The following MCC variants were observed in gnomAD, a reference collection of about 807,000 sequenced individuals.
MCC encodes MCC regulator of Wnt signaling pathway.
Under a neutral mutation model 116.2 loss-of-function variants are expected in MCC, and 90 were observed. The observed-to-expected ratio is 0.77, with a 90% CI of 0.65 to 0.92. The LOEUF is 0.92. MCC is among the 40% of genes least tolerant of loss of function. MCC has a pLI of 0.00. For synonymous variants in MCC, 578 were observed against 510.5 expected (o/e 1.13, Z -1.78); for missense variants, 1,516 against 1,312.2 (o/e 1.16, Z -2.40).
chr5:113,474,578 T>C (rs184455254), intron 1 of MCC, among the ~76,000 whole-genome samples: 4 of 152,312 alleles, frequency 2.6e-5, no homozygotes, highest in Non-Finnish European at 4.4e-5. Flanking sequence ...CAGGCAACTG[T>C]TGAAGGATTT....
At position 113,049,097 on chromosome 5, in the gene MCC, C is replaced by T. The variant is rs1383655782; in HGVS notation, c.2651G>A (p.Gly884Asp). The T allele has an allele frequency of 1.2e-6, 2 of 1,614,008 alleles. No individual in the cohort carries two copies. The highest frequency in any genetic ancestry group is 2.7e-5 in the African/African-American group (2 of 74,900). ...STSSGSKDKP[G>D]KECADAASPA... ...CCCAAGCCACTCCGGCCCTACCTTG[C>T]CAGGTTTGTCTTTGCTGCCGCTGCT... Residue 884 changes from glycine to aspartate, a missense_variant, in exon 16 of 19, where the codon GGC becomes GAC. By Grantham distance (94) the Gly-to-Asp change is moderately conservative. Coordinates refer to ENST00000408903, the MANE Select transcript of MCC (RefSeq NM_001085377.2).
At chr5:113,469,952 CT>C (rs1772033954) in intron 1 of MCC, among the ~76,000 whole-genome samples, 1 of 152,140 alleles carries the variant, frequency 6.6e-6, no homozygotes, top group African/African-American at 2.4e-5. Context: ...TTCTTTGTCT[CT>C]TTTGATCTTT....
In MCC at chr5:113,036,012, CTTTTTTTTTTTTTTTTTTTTTTTTTTT is replaced by C. The variant is rs771378295; in HGVS notation, c.2757-6983_2757-6957del. Among the ~76,000 whole-genome samples the C allele has an allele frequency of 2.9e-3, 183 of 62,952 alleles. 3 individuals carry two copies. The highest frequency in any genetic ancestry group is 0.01 in the African/African-American group (161 of 15,384). 41.3% of individuals were successfully genotyped at this position (62,952 alleles called of 152,430 possible). The stretch of plus-strand genomic sequence containing the variant: ...GATTCTCATTTTTAAGGATGAGGAA[CTTTTTTTTTTTTTTTTTTTTTTTTTTT>C]TTTTTTTTTTTTTTGAGATGGAGTC... On this transcript the variant is annotated intron_variant, in intron 17 of 18. Transcript: ENST00000408903.
intron 8 of MCC, among the ~76,000 whole-genome samples, chr5:113,087,485 C>G (rs1171093967): frequency 6.6e-6 from 1 of 152,104 alleles, no homozygotes; most frequent in African/African-American, 2.4e-5. Flanking sequence ...CCCTCACAAA[C>G]CAAAAATGGG....
At chr5:113,030,849 C>T (rs1458459094) in intron 17 of MCC, among the ~76,000 whole-genome samples, 1 of 152,226 alleles carries the variant, frequency 6.6e-6, no homozygotes, top group Non-Finnish European at 1.5e-5. Flanking sequence ...CAGTGCTTAA[C>T]TCCTGAAGGG....
At position 113,253,363 on chromosome 5, in the gene MCC, C is replaced by T. The variant is rs190906108; in HGVS notation, c.627+87156G>A. Among the ~76,000 whole-genome samples the T allele has an allele frequency of 3.4e-3, 515 of 152,320 alleles. 3 individuals are homozygous for T. The highest frequency in any genetic ancestry group is 5.5e-3 in the Non-Finnish European group (373 of 68,026). ...TGGCCCCTAGTCTGAAGTCAAACATCTACCTACTCTCCAAAGGGAGCAAGT... is the reference window on the plus strand; with the variant it reads ...TGGCCCCTAGTCTGAAGTCAAACATTTACCTACTCTCCAAAGGGAGCAAGT... On this transcript the variant is annotated intron_variant, in intron 3 of 18. Coordinates refer to ENST00000408903, the MANE Select transcript of MCC (RefSeq NM_001085377.2).
chr5:113,346,642 C>A (rs1215508640), intron 2 of MCC, among the ~76,000 whole-genome samples: 2 of 150,994 alleles, frequency 1.3e-5, no homozygotes, highest in East Asian at 1.9e-4. Context: ...ACAAAAAAAA[C>A]AACAAAAAGT....
intron 1 of MCC, among the ~76,000 whole-genome samples, chr5:113,445,381 C>A (rs1178573074): frequency 2.0e-5 from 3 of 152,032 alleles, no homozygotes; most frequent in African/African-American, 2.4e-5. Context: ...AACTGATAAA[C>A]AATTTCAGTA....
At chr5:113,339,438 T>TGTGTGTGTGTGCGC (rs145838279) in intron 3 of MCC, among the ~76,000 whole-genome samples, 140 of 149,666 alleles carry the variant, frequency 9.4e-4, no homozygotes, top group African/African-American at 2.6e-3. Flanking sequence ...TGTGTGTGTG[T>TGTGTGTGTGTGCGC]GCGTGCATGT....
intron 17 of MCC, among the ~76,000 whole-genome samples, chr5:113,041,542 A>C (rs1751704510): frequency 6.6e-6 from 1 of 152,202 alleles, no homozygotes; most frequent in African/African-American, 2.4e-5. Flanking sequence ...ACAGGAGGGG[A>C]CCAAATGCTT....
At chr5:113,226,723 GTATT>G (rs1309291581) in intron 3 of MCC, among the ~76,000 whole-genome samples, 5 of 152,160 alleles carry the variant, frequency 3.3e-5, no homozygotes, top group Admixed American at 6.5e-5. Flanking sequence ...AATGTTGAAA[GTATT>G]TATCTCTAGG....
chr5:113,083,047 A>G, intron 10 of MCC, 39 bp from the exon 11 acceptor site: 1 of 1,572,042 alleles, frequency 6.4e-7, no homozygotes, highest in Non-Finnish European at 8.7e-7. Flanking sequence ...GGAACATATC[A>G]TTTCAGAGAT....
In MCC at chr5:113,039,607, T is replaced by G. The variant is rs188396240; in HGVS notation, c.2756+3923A>C. On this transcript the variant is annotated intron_variant, in intron 17 of 18. Coordinates refer to ENST00000408903, the MANE Select transcript of MCC (RefSeq NM_001085377.2). ...GCAAGCCCAATGCTGCCAGCACATG[T>G]GGGGCACAAGGGGTCCCCATAGAGA... 8.5e-5 allele frequency among the ~76,000 whole-genome samples: 13 copies of G among 152,208 alleles called. No homozygotes were observed. In the East Asian group the frequency reaches 1.5e-3, roughly 18 times the overall value.
chr5:113,400,187 A>G (rs1769644701), intron 1 of MCC, among the ~76,000 whole-genome samples: 1 of 120,988 alleles, frequency 8.3e-6, no homozygotes, highest in Non-Finnish European at 1.6e-5. Context: ...CAGTGGTGCG[A>G]TCTTGGCTCA....
At chr5:113,422,139 T>A (rs936298882) in intron 1 of MCC, among the ~76,000 whole-genome samples, 1 of 152,196 alleles carries the variant, frequency 6.6e-6, no homozygotes, top group Non-Finnish European at 1.5e-5. Context: ...AAAGCCTTGA[T>A]TTGGAGCATT....
At chr5:113,319,399 A>T (rs1356556884) in intron 3 of MCC, among the ~76,000 whole-genome samples, 1 of 152,186 alleles carries the variant, frequency 6.6e-6, no homozygotes, top group Non-Finnish European at 1.5e-5. Flanking sequence ...GAAGAGAACT[A>T]TAAAGGGAAT....
chr5:113,485,281 C>A (rs1772488631), intron 1 of MCC, among the ~76,000 whole-genome samples: 1 of 152,146 alleles, frequency 6.6e-6, no homozygotes, highest in African/African-American at 2.4e-5. Context: ...CAGCGGAGGA[C>A]CAGAGCAAAT....
chr5:113,119,701 T>TAAA (rs1757622899), intron 6 of MCC, among the ~76,000 whole-genome samples: 1 of 147,308 alleles, frequency 6.8e-6, no homozygotes, highest in African/African-American at 2.6e-5. Context: ...GCTGACTAAA[T>TAAA]GAAAAAAAAA....
chr5:113,141,687 T>C (rs1242003685), intron 5 of MCC, among the ~76,000 whole-genome samples: 2 of 152,128 alleles, frequency 1.3e-5, no homozygotes, highest in African/African-American at 4.8e-5. Flanking sequence ...TAATATGACA[T>C]CTCCACAGAT....
Sources: gnomAD v4.1 joint callset for allele counts (sites outside exome capture counted in the v4.1 genomes callset) on GRCh38, gnomAD v4.1.1 for gene constraint, MANE v1.5 for transcripts, NCBI Gene and HGNC (gene_info 2026-07-23, HGNC 2026-07-21) for gene names.